The following RAB31 variants were observed in gnomAD, a reference collection of about 807,000 sequenced individuals.
RAB31 encodes the protein RAB31, member RAS oncogene family.
Under a neutral mutation model 25.6 loss-of-function variants are expected in RAB31, and 21 were observed. The ratio of observed to expected loss-of-function variants is 0.82; its 90% CI spans 0.58 to 1.18. The LOEUF is 1.18. Ranked by LOEUF, RAB31 falls within the 50% of genes most tolerant of loss-of-function variation. The probability of loss-of-function intolerance (pLI) is 0.00; values close to 1 mark genes in which losing one functional copy is unlikely to be tolerated. For missense variants in RAB31, 196 were observed against 250.1 expected (o/e 0.78, Z 1.46); for synonymous variants, 87 against 84.0 (o/e 1.04, Z -0.20).
rs78284000 is a variant in RAB31, at chr18:9,766,569, A to T, written c.40-8709A>T. ...TTCTGCCTGTTTCTCTCTTTATGTTATTTCTTTATGCCCACAAGGTCTGCT... is the reference window on the plus strand; with the variant it reads ...TTCTGCCTGTTTCTCTCTTTATGTTTTTTCTTTATGCCCACAAGGTCTGCT... On this transcript the variant is annotated intron_variant, in intron 1 of 6. Coordinates refer to ENST00000578921, the MANE Select transcript of RAB31 (RefSeq NM_006868.4). The surrounding 1 kb of genome is among the most constrained non-coding windows in gnomAD (Gnocchi z 4.3). Among the ~76,000 whole-genome samples, 1 of 152,040 alleles carries T rather than the reference A, an allele frequency of 6.6e-6. No individual in the cohort carries two copies. The highest frequency in any genetic ancestry group is 2.4e-5 in the African/African-American group (1 of 41,394).
intron 2 of RAB31, among the ~76,000 whole-genome samples, chr18:9,789,161 T>C (rs530355683): frequency 6.6e-6 from 1 of 152,130 alleles, no homozygotes; most frequent in African/African-American, 2.4e-5. Flanking sequence ...TTCTCACTCA[T>C]ATGCAAGAGC....
intron 6 of RAB31, among the ~76,000 whole-genome samples, chr18:9,853,436 G>A (rs1296952180): frequency 1.3e-5 from 2 of 152,170 alleles, no homozygotes; most frequent in African/African-American, 2.4e-5. Flanking sequence ...AATCTGAAAA[G>A]GCTACACACT....
intron 1 of RAB31, among the ~76,000 whole-genome samples, chr18:9,720,108 C>T (rs2068066949): frequency 6.6e-6 from 1 of 152,316 alleles, no homozygotes; most frequent in Admixed American, 6.5e-5. Context: ...GAATTACACG[C>T]ATGCACCACC....
rs1451861261 is a variant in RAB31, at chr18:9,860,583, T to C, written c.*1258T>C. 3 of 152,184 alleles carry C rather than the reference T, an allele frequency of 2.0e-5. No individual in the cohort carries two copies. In the East Asian group the frequency reaches 5.8e-4, roughly 29 times the overall value. The allele number at this position is 152,184 out of a possible 1,614,324, so 9.4% of individuals were successfully genotyped here. On this transcript the variant is annotated 3_prime_UTR_variant, in exon 7 of 7. Coordinates refer to ENST00000578921, the MANE Select transcript of RAB31 (RefSeq NM_006868.4). ...TTCCTACTGAAAATTCAAATTCTAT[T>C]ACCATTCTAACTTTCATAAAAAGTT...
In RAB31 at chr18:9,845,620, C is replaced by G; in HGVS notation, c.419C>G (p.Ser140Cys). ...PLKDAKEYAE[S>C]IGAIVVETSA... ...AAGGATGCTAAGGAATACGCTGAAT[C>G]CATAGGTGCCATCGTGGTTGAGACA... is the stretch of plus-strand genomic sequence containing the variant. The change falls in exon 6 of 7, where the codon TCC becomes TGC. Residue 140 changes from serine to cysteine, a missense_variant. Coordinates refer to ENST00000578921, the MANE Select transcript of RAB31 (RefSeq NM_006868.4). The G allele has an allele frequency of 6.4e-7, 1 of 1,568,306 alleles. No homozygotes were observed. The highest frequency in any genetic ancestry group is 1.2e-5 in the South Asian group (1 of 84,714).
chr18:9,750,268 T>C (rs2068227694), intron 1 of RAB31, among the ~76,000 whole-genome samples: 1 of 152,040 alleles, frequency 6.6e-6, no homozygotes, highest in Non-Finnish European at 1.5e-5. Flanking sequence ...CAAGATGAAG[T>C]GTAATAGAAA....
At position 9,708,392 on chromosome 18, in the gene RAB31, C is replaced by A. The variant is rs760713269; in HGVS notation, c.-14C>A. 5.3e-5 allele frequency: 82 copies of A among 1,559,610 alleles called. No homozygotes were observed. The highest frequency in any genetic ancestry group is 6.7e-5 in the Non-Finnish European group (77 of 1,154,270). On this transcript the variant is annotated 5_prime_UTR_variant, in exon 1 of 7. In the 5' UTR this introduces an upstream ATG that the reference lacks. Coordinates refer to ENST00000578921, the MANE Select transcript of RAB31 (RefSeq NM_006868.4). This position sits in a 1 kb window ranked among gnomAD's most constrained non-coding sequence, Gnocchi z 6.4. ...GGATGCTGCTGAGCCCCGGCACTGC[C>A]TGGCTGCGAGCACATGATGGCGATA...
intron 1 of RAB31, among the ~76,000 whole-genome samples, chr18:9,770,217 G>A (rs577818931): frequency 4.6e-5 from 7 of 152,300 alleles, no homozygotes; most frequent in Admixed American, 4.6e-4. Context: ...ATGAGTTAGG[G>A]AGGAGTCCCT....
intron 1 of RAB31, among the ~76,000 whole-genome samples, chr18:9,733,111 TTC>T (rs2068131862): frequency 6.6e-6 from 1 of 152,212 alleles, no homozygotes; most frequent in Admixed American, 6.5e-5. Flanking sequence ...CTTGGGTGTT[TTC>T]CATGCTATAA....
intron 1 of RAB31, among the ~76,000 whole-genome samples, chr18:9,729,032 A>G (rs750858212): frequency 2.0e-4 from 30 of 151,994 alleles, no homozygotes; most frequent in Non-Finnish European, 3.8e-4. Flanking sequence ...CTGATTTGTG[A>G]GTAATCTTTG....
intron 2 of RAB31, among the ~76,000 whole-genome samples, 157 bp downstream of exon 2, chr18:9,775,514 C>T (rs2068367874): frequency 6.6e-6 from 1 of 151,762 alleles, no homozygotes; most frequent in African/African-American, 2.4e-5. Context: ...TCAGGGACTT[C>T]TGAGTATGTG....
chr18:9,777,753 CCT>C, intron 2 of RAB31, among the ~76,000 whole-genome samples: 2 of 127,610 alleles, frequency 1.6e-5, no homozygotes, highest in Middle Eastern at 3.8e-3. Flanking sequence ...TTTGTAATGA[CCT>C]TTTTTTTTTT....
chr18:9,767,686 C>G (rs2068323152), intron 1 of RAB31, among the ~76,000 whole-genome samples: 1 of 151,986 alleles, frequency 6.6e-6, no homozygotes, highest in African/African-American at 2.4e-5. Context: ...GATCTATTTG[C>G]CTGGGAGGTA....
At chr18:9,724,901 T>G (rs564243120) in intron 1 of RAB31, among the ~76,000 whole-genome samples, 1 of 152,320 alleles carries the variant, frequency 6.6e-6, no homozygotes, top group East Asian at 1.9e-4. Flanking sequence ...TTGTTAATAT[T>G]TCTCACAGTT....
At chr18:9,744,260 T>C (rs2068194404) in intron 1 of RAB31, among the ~76,000 whole-genome samples, 1 of 152,196 alleles carries the variant, frequency 6.6e-6, no homozygotes, top group Non-Finnish European at 1.5e-5. Flanking sequence ...AAGTTGTAGG[T>C]AATTGGTAGC....
chr18:9,770,687 G>A (rs534150865), intron 1 of RAB31, among the ~76,000 whole-genome samples: 43 of 152,120 alleles, frequency 2.8e-4, no homozygotes, highest in Middle Eastern at 6.8e-3. Flanking sequence ...AGTCAGAATC[G>A]GGTTTATTCT....
chr18:9,811,527 C>T (rs901745900), intron 3 of RAB31, among the ~76,000 whole-genome samples: 2 of 152,204 alleles, frequency 1.3e-5, no homozygotes, highest in Non-Finnish European at 2.9e-5. Flanking sequence ...TCTCCTTCCT[C>T]CCTGCTCTCT....
At chr18:9,833,365 C>T (rs2267556) in intron 5 of RAB31, among the ~76,000 whole-genome samples, 35,537 of 152,086 alleles carry the variant, frequency 0.23, 5,082 homozygotes, top group South Asian at 0.41. Context: ...GACCATGGGA[C>T]GACAGGGCCC....
chr18:9,776,761 C>T (rs977003047), intron 2 of RAB31, among the ~76,000 whole-genome samples: 2 of 152,018 alleles, frequency 1.3e-5, no homozygotes, highest in East Asian at 1.9e-4. Flanking sequence ...GTTACGGGAG[C>T]GGAACCCCAA....
Sources: allele counts gnomAD v4.1 joint callset (sites outside exome capture counted in the v4.1 genomes callset), GRCh38; gene constraint gnomAD v4.1.1; non-coding constraint Gnocchi (gnomAD v3.1); transcripts MANE v1.5; gene names NCBI Gene and HGNC (gene_info 2026-07-23, HGNC 2026-07-21).